Variants in NFATC1 observed in about 807,000 individuals in gnomAD.
The protein encoded by NFATC1 is nuclear factor of activated T-cells, cytoplasmic 1.
A neutral mutation model predicts 76.0 loss-of-function variants in NFATC1; 22 were observed. That is an observed-to-expected ratio of 0.29 (90% CI 0.21 to 0.41). The LOEUF is 0.41. NFATC1 is among the 10% of genes least tolerant of loss of function. NFATC1 has a pLI of 1.00. For missense variants in NFATC1, 1,357 were observed against 1,337.7 expected (o/e 1.01, Z -0.23); for synonymous variants, 704 against 613.1 (o/e 1.15, Z -2.19).
intron 4 of NFATC1, among the ~76,000 whole-genome samples, chr18:79,449,720 G>C (rs59569700): frequency 0.18 from 27,139 of 152,146 alleles, 2,711 homozygotes; most frequent in East Asian, 0.36. Flanking sequence ...CAGGCTGGGA[G>C]CCCGTGTGAT....
chr18:79,471,930 TCTG>T (rs1228202484), intron 8 of NFATC1, among the ~76,000 whole-genome samples: 1 of 152,176 alleles, frequency 6.6e-6, no homozygotes, highest in Non-Finnish European at 1.5e-5. Flanking sequence ...AACCAGCCCT[TCTG>T]CTGGCCCTGC....
At chr18:79,432,412 G>C (rs1048473753) in intron 2 of NFATC1, among the ~76,000 whole-genome samples, 1 of 152,158 alleles carries the variant, frequency 6.6e-6, no homozygotes, top group African/African-American at 2.4e-5. Flanking sequence ...TGGCCACATA[G>C]CGGTGAGGAC....
At chr18:79,416,785 G>A (rs546191666) in intron 2 of NFATC1, among the ~76,000 whole-genome samples, 8 of 152,336 alleles carry the variant, frequency 5.3e-5, no homozygotes, top group South Asian at 2.1e-4. Flanking sequence ...AAGCCACGTC[G>A]CCCTGGCTCT....
At chr18:79,509,513 C>T (rs1201844391) in intron 9 of NFATC1, among the ~76,000 whole-genome samples, 1 of 152,254 alleles carries the variant, frequency 6.6e-6, no homozygotes, top group Non-Finnish European at 1.5e-5. Flanking sequence ...CAGACGCCCG[C>T]GCAGTGCCAT....
chr18:79,400,331 G>C (rs914720114), intron 1 of NFATC1: 1 of 1,341,588 alleles, frequency 7.5e-7, no homozygotes, highest in Non-Finnish European at 9.6e-7. Context: ...GCAGCGCCGG[G>C]AGAACCGAAC....
intron 9 of NFATC1, among the ~76,000 whole-genome samples, chr18:79,523,050 T>C (rs892248919): frequency 1.3e-5 from 2 of 152,150 alleles, no homozygotes; most frequent in African/African-American, 4.8e-5. Flanking sequence ...CTCCGAGCCC[T>C]CCGTGGTCCC....
chr18:79,424,805 GTCTGTCTCTGTCTCTCTGTC>G (rs2086236548), intron 2 of NFATC1, among the ~76,000 whole-genome samples: 3 of 98,044 alleles, frequency 3.1e-5, no homozygotes, highest in African/African-American at 4.7e-5. Context: ...CTCTGTGTCT[GTCTGTCTCTGTCTCTCTGTC>G]TCTCTCCATC....
intron 9 of NFATC1, among the ~76,000 whole-genome samples, chr18:79,519,290 G>A (rs143116293): frequency 6.6e-5 from 10 of 152,216 alleles, no homozygotes; most frequent in African/African-American, 1.7e-4. Context: ...TACAAGGCTC[G>A]GGCTTTCCTG....
rs747454454 is a variant in NFATC1, at chr18:79,486,377, G to A, written c.2222G>A (p.Ser741Asn). 1.9e-6 allele frequency: 3 copies of A among 1,612,974 alleles called. No individual in the cohort carries two copies. The South Asian group carries it at 3.3e-5, about 18-fold the overall frequency. Residue 741 changes from serine to asparagine, a missense_variant, in exon 9 of 10, where the codon AGC (serine) becomes AAC (asparagine). Ser to Asn is a conservative substitution (Grantham distance 46). Transcript: ENST00000427363. ...SQQLAMPPDP[S>N]SCLVAGFPPC... ...CAGCTCGCGATGCCACCCGACCCCAGCTCCTGCCTCGTGGCCGGCTTCCCG... is the reference window on the plus strand; with the variant it reads ...CAGCTCGCGATGCCACCCGACCCCAACTCCTGCCTCGTGGCCGGCTTCCCG...
intron 3 of NFATC1, among the ~76,000 whole-genome samples, chr18:79,443,151 T>C (rs2087051033): frequency 6.6e-6 from 1 of 152,240 alleles, no homozygotes; most frequent in South Asian, 2.1e-4. Flanking sequence ...AATTCAGTTT[T>C]ATCTGTGGAT....
Position 79,396,164 on chromosome 18 carries a change from C to A in NFATC1, c.-61C>A. ...TCCCGGAGACCCGACCCCGGCAGCGCGGGGCGGCCGCTTCTCCTGTGCCTC... is the reference window on the plus strand; with the variant it reads ...TCCCGGAGACCCGACCCCGGCAGCGAGGGGCGGCCGCTTCTCCTGTGCCTC... On this transcript the variant is annotated 5_prime_UTR_variant, in exon 1 of 10. Coordinates refer to ENST00000427363, the MANE Select transcript of NFATC1 (RefSeq NM_001278669.2). 7.2e-7 allele frequency: 1 copy of A among 1,381,298 alleles called. No individual in the cohort carries two copies. The highest frequency in any genetic ancestry group is 9.5e-7 in the Non-Finnish European group (1 of 1,054,126). 85.6% of individuals were successfully genotyped at this position (1,381,298 alleles called of 1,614,324 possible).
intron 9 of NFATC1, among the ~76,000 whole-genome samples, chr18:79,513,198 G>A (rs529272112): frequency 2.7e-4 from 41 of 152,366 alleles, no homozygotes; most frequent in African/African-American, 8.7e-4. Flanking sequence ...TGATGCCCGC[G>A]GGTGGACTCC....
At chr18:79,443,997 G>C (rs2087090826) in intron 3 of NFATC1, among the ~76,000 whole-genome samples, 1 of 152,240 alleles carries the variant, frequency 6.6e-6, no homozygotes, top group South Asian at 2.1e-4. Flanking sequence ...GCCGAGATCT[G>C]TTCCCTTGGA....
chr18:79,410,055 GA>G lies in NFATC1; in HGVS notation c.128-346del, dbSNP rs1480328349. The G allele has an allele frequency of 4.7e-6, 3 of 634,664 alleles. No individual in the cohort carries two copies. Among genetic ancestry groups the G allele is most frequent in the Non-Finnish European group, 9.0e-6 (3 of 334,634 alleles). The allele number at this position is 634,664 out of a possible 1,614,324, so 39.3% of individuals were successfully genotyped here. A position where few individuals can be genotyped will look rare whatever the true frequency, so the allele number is the denominator to read the frequency against. On this transcript the variant is annotated intron_variant, in intron 1 of 9. Coordinates refer to ENST00000427363, the MANE Select transcript of NFATC1 (RefSeq NM_001278669.2). The surrounding 1 kb of genome is among the most constrained non-coding windows in gnomAD (Gnocchi z 6.7). ...CTCTCTCTGGGAAGGACGTTCGGAT[GA>G]AGATGGGGTGGTTGGGGAAGGTGGT...
intron 9 of NFATC1, among the ~76,000 whole-genome samples, chr18:79,504,199 G>A (rs891987866): frequency 1.3e-5 from 2 of 152,188 alleles, no homozygotes; most frequent in African/African-American, 2.4e-5. Context: ...GGACTGGCGC[G>A]GGAGGCTGAG....
At chr18:79,525,913 C>T (rs972013524) in intron 9 of NFATC1, among the ~76,000 whole-genome samples, 4 of 152,250 alleles carry the variant, frequency 2.6e-5, no homozygotes, top group East Asian at 3.9e-4. Flanking sequence ...TAACTGGTCT[C>T]GAATTCTGGG....
At chr18:79,443,510 G>A (rs528003976) in intron 3 of NFATC1, among the ~76,000 whole-genome samples, 4 of 152,278 alleles carry the variant, frequency 2.6e-5, no homozygotes, top group South Asian at 4.1e-4. Context: ...GCCGTCCCTC[G>A]GGGGGTGGGG....
At chr18:79,431,488 G>A (rs541075319) in intron 2 of NFATC1, among the ~76,000 whole-genome samples, 64 of 151,968 alleles carry the variant, frequency 4.2e-4, no homozygotes, top group African/African-American at 1.5e-3. Flanking sequence ...TGTGTGGCTG[G>A]GATCCTCCCC....
At chr18:79,520,255 G>A (rs376187291) in intron 9 of NFATC1, among the ~76,000 whole-genome samples, 4 of 151,982 alleles carry the variant, frequency 2.6e-5, no homozygotes, top group Non-Finnish European at 5.9e-5. Flanking sequence ...CTGGAGAGTC[G>A]GCAGCCCTCG....
Sources: gnomAD v4.1 joint callset for allele counts (sites outside exome capture counted in the v4.1 genomes callset) on GRCh38, gnomAD v4.1.1 for gene constraint, Gnocchi (gnomAD v3.1) non-coding constraint, MANE v1.5 for transcripts, NCBI Gene and HGNC (gene_info 2026-07-23, HGNC 2026-07-21) for gene names.